The following MYLK4 variants were observed in gnomAD, a reference collection of about 807,000 sequenced individuals.
The protein encoded by MYLK4 is myosin light chain kinase family member 4.
MYLK4 carries 46 observed loss-of-function variants against 48.1 expected under a neutral mutation model. The ratio of observed to expected loss-of-function variants is 0.96; its 90% CI spans 0.75 to 1.22. The LOEUF is 1.22. MYLK4 is among the 50% of genes most tolerant of loss of function. The pLI, the probability that MYLK4 is intolerant of heterozygous loss-of-function variation, is 0.00. For synonymous variants in MYLK4, 170 were observed against 180.8 expected, an observed-to-expected ratio of 0.94 and a Z score of 0.48; for missense variants, 451 against 486.1, an observed-to-expected ratio of 0.93 and a Z score of 0.68.
In MYLK4 at chr6:2,663,723, A is replaced by T. The variant is rs1320069797; in HGVS notation, c.*4202T>A. 1 of 152,582 alleles carries T rather than the reference A, an allele frequency of 6.6e-6. No homozygotes were observed. Among genetic ancestry groups the T allele is most frequent in the East Asian group, 1.9e-4 (1 of 5,202 alleles). 9.5% of individuals were successfully genotyped at this position (152,582 alleles called of 1,614,324 possible). A position where few individuals can be genotyped will look rare whatever the true frequency, so the allele number is the denominator to read the frequency against. On this transcript the variant is annotated 3_prime_UTR_variant, in exon 13 of 13. Coordinates refer to ENST00000274643, the MANE Select transcript of MYLK4 (RefSeq NM_001012418.5). Reference sequence around the variant, plus strand: ...GAAAGCAAAGAAAAACAGCTAAATGAAAGTACGTTCAGAAATTTAAAATAT... The same window carrying T: ...GAAAGCAAAGAAAAACAGCTAAATGTAAGTACGTTCAGAAATTTAAAATAT...
chr6:2,763,193 G>A, the MYLK4 span, among the ~76,000 whole-genome samples: 286 of 152,202 alleles, frequency 1.9e-3, no homozygotes, highest in African/African-American at 6.0e-3. Context: ...ACAGAGTGCC[G>A]ATTGGTGTAT....
intron 2 of MYLK4, among the ~76,000 whole-genome samples, chr6:2,742,798 G>A (rs1763944287): frequency 6.6e-6 from 1 of 151,018 alleles, no homozygotes. Flanking sequence ...CAGCACACCA[G>A]CATGGCACAT....
intron 3 of MYLK4, among the ~76,000 whole-genome samples, chr6:2,689,991 G>T (rs1761710921): frequency 6.6e-6 from 1 of 152,136 alleles, no homozygotes; most frequent in East Asian, 1.9e-4. Flanking sequence ...AACATTCACT[G>T]TTTCAGATTA....
intron 8 of MYLK4, 133 bp from the exon 9 acceptor site, chr6:2,679,541 T>C: frequency 3.4e-6 from 4 of 1,170,888 alleles, no homozygotes; most frequent in Non-Finnish European, 5.1e-6. Context: ...TTGAAGGAAA[T>C]CAAACAATCA....
intron 2 of MYLK4, among the ~76,000 whole-genome samples, chr6:2,697,055 T>C (rs1762088121): frequency 6.6e-6 from 1 of 152,136 alleles, no homozygotes; most frequent in African/African-American, 2.4e-5. Flanking sequence ...AGAGACTCCG[T>C]CTCAAAAATA....
chr6:2,765,821 C>T, the MYLK4 span: 10 of 1,356,382 alleles, frequency 7.4e-6, no homozygotes, highest in Non-Finnish European at 8.5e-6. Context: ...GCCCTCGCCG[C>T]CCGGCGCCAA....
intron 2 of MYLK4, among the ~76,000 whole-genome samples, chr6:2,710,707 A>G (rs4596532): frequency 0.86 from 130,714 of 152,160 alleles, 56,221 homozygotes; most frequent in Admixed American, 0.89. Context: ...AAGACTCAAA[A>G]TCTCAGTGAC....
At chr6:2,691,202 C>T (rs1486300923) in intron 3 of MYLK4, among the ~76,000 whole-genome samples, 2 of 152,184 alleles carry the variant, frequency 1.3e-5, no homozygotes, top group Non-Finnish European at 2.9e-5. Flanking sequence ...TTCCATTTCT[C>T]AGCAGCTCTC....
At chr6:2,714,037 C>T (rs1175315215) in intron 2 of MYLK4, among the ~76,000 whole-genome samples, 2 of 152,144 alleles carry the variant, frequency 1.3e-5, no homozygotes, top group Non-Finnish European at 2.9e-5. Context: ...AACCCTAGTG[C>T]ACGGTTGTTT....
chr6:2,699,261 G>T (rs1011160078), intron 2 of MYLK4, among the ~76,000 whole-genome samples: 1 of 137,978 alleles, frequency 7.2e-6, no homozygotes. Context: ...ATAAGAGAAA[G>T]CATGCTACCA....
chr6:2,734,964 C>T (rs2113338487), intron 2 of MYLK4, among the ~76,000 whole-genome samples: 1 of 152,332 alleles, frequency 6.6e-6, no homozygotes, highest in South Asian at 2.1e-4. Context: ...AGGCAGGAGC[C>T]ACTCTGAGCA....
At chr6:2,762,878 C>A in the MYLK4 span, among the ~76,000 whole-genome samples, 8 of 152,034 alleles carry the variant, frequency 5.3e-5, no homozygotes, top group Non-Finnish European at 1.0e-4. Flanking sequence ...GGTTTGTGGT[C>A]TGACTGCCTT....
rs564283223 is a variant in MYLK4, at chr6:2,701,966, G to A, written c.160-9107C>T. On this transcript the variant is annotated intron_variant, in intron 2 of 12. Coordinates refer to ENST00000274643, the MANE Select transcript of MYLK4 (RefSeq NM_001012418.5). ...TACATCTTGCCTCCATCCACAAGGC[G>A]TCTGAAGAGCTAATCTCGTACTTGG... Among the ~76,000 whole-genome samples the A allele has an allele frequency of 3.3e-5, 5 of 152,310 alleles. 1 individual carries two copies. Among genetic ancestry groups the A allele is most frequent in the South Asian group, 4.1e-4 (2 of 4,824 alleles).
the MYLK4 span, chr6:2,766,148 G>C: frequency 3.8e-6 from 5 of 1,328,106 alleles, no homozygotes; most frequent in Non-Finnish European, 4.8e-6. Flanking sequence ...CGATGGCGAC[G>C]GGGACGCGGA....
At chr6:2,677,905 G>C (rs1487182713) in intron 10 of MYLK4, among the ~76,000 whole-genome samples, 2 of 152,216 alleles carry the variant, frequency 1.3e-5, no homozygotes, top group East Asian at 3.8e-4. Flanking sequence ...CAGCTTAGTA[G>C]AGGTGAAAGG....
intron 10 of MYLK4, among the ~76,000 whole-genome samples, chr6:2,675,587 G>T (rs1277900127): frequency 6.6e-6 from 1 of 152,130 alleles, no homozygotes; most frequent in African/African-American, 2.4e-5. Context: ...AGTTAAATAG[G>T]TAGGGAAATA....
chr6:2,719,990 C>A (rs1456407678), intron 2 of MYLK4, among the ~76,000 whole-genome samples: 1 of 151,486 alleles, frequency 6.6e-6, no homozygotes, highest in Non-Finnish European at 1.5e-5. Flanking sequence ...ATACAAAAAT[C>A]AGTCCTATTC....
At chr6:2,669,544 T>C (rs1582018617) in intron 12 of MYLK4, among the ~76,000 whole-genome samples, 1 of 151,830 alleles carries the variant, frequency 6.6e-6, no homozygotes. Flanking sequence ...GGGAAGGTGG[T>C]TTGTGGCAAA....
At chr6:2,717,331 T>TA (rs1271605563) in intron 2 of MYLK4, among the ~76,000 whole-genome samples, 2 of 10,646 alleles carry the variant, frequency 1.9e-4, no homozygotes, top group Non-Finnish European at 4.2e-4. Context: ...TGAGCTAGTA[T>TA]AAAAAATGAA....
Sources: gnomAD v4.1 joint callset for allele counts (sites outside exome capture counted in the v4.1 genomes callset) on GRCh38, gnomAD v4.1.1 for gene constraint, MANE v1.5 for transcripts, NCBI Gene and HGNC (gene_info 2026-07-23, HGNC 2026-07-21) for gene names.